RAD18: variants seen among roughly 807,000 people sequenced by gnomAD.
RAD18 encodes RAD18 E3 ubiquitin protein ligase, also known as E3 ubiquitin-protein ligase RAD18.
Under a neutral mutation model 60.4 loss-of-function variants are expected in RAD18, and 47 were observed. The observed-to-expected ratio is 0.78, with a 90% confidence interval of 0.62 to 0.99. The LOEUF (loss-of-function observed/expected upper bound fraction) is 0.99. Among genes scored for constraint, RAD18 ranks in the 50% least tolerant of loss-of-function variants. The probability of loss-of-function intolerance (pLI) is 0.00; values close to 1 mark genes in which losing one functional copy is unlikely to be tolerated. For missense variants in RAD18, 640 were observed against 593.3 expected, an observed-to-expected ratio of 1.08 and a Z score of -0.82; for synonymous variants, 225 against 195.5, an observed-to-expected ratio of 1.15 and a Z score of -1.26.
intron 2 of RAD18, among the ~76,000 whole-genome samples, chr3:8,954,439 T>C (rs917041288): frequency 2.6e-5 from 4 of 152,194 alleles, no homozygotes; most frequent in Non-Finnish European, 4.4e-5. Flanking sequence ...GTGAGAAAAA[T>C]TATAGCAAGT....
chr3:8,957,630 G>C, intron 2 of RAD18, among the ~76,000 whole-genome samples: 1 of 152,092 alleles, frequency 6.6e-6, no homozygotes, highest in East Asian at 1.9e-4. Flanking sequence ...GATTTATCTT[G>C]GAAAGCTAAA....
At chr3:8,942,505 G>A (rs1277328256) in intron 4 of RAD18, among the ~76,000 whole-genome samples, 1 of 152,114 alleles carries the variant, frequency 6.6e-6, no homozygotes, top group African/African-American at 2.4e-5. Flanking sequence ...GGCCTAACTT[G>A]CATAAAAAAC....
Position 8,935,921 on chromosome 3 carries a change from T to C in RAD18, c.839A>G (p.Glu280Gly). 1 of 1,611,836 alleles carries C rather than the reference T, an allele frequency of 6.2e-7. No homozygotes were observed. The highest frequency in any genetic ancestry group is 2.2e-5 in the East Asian group (1 of 44,844). Reference sequence around the variant, plus strand: ...TTGGGCATTGTACATGTGTACAAATTCTTGGTGCCTTTTAATGAGCTGTTG... The same window carrying C: ...TTGGGCATTGTACATGTGTACAAATCCTTGGTGCCTTTTAATGAGCTGTTG... ...NKQQLIKRHQ[E>G]FVHMYNAQCD... is the part of the protein sequence containing the mutation. The change falls in exon 7 of 13, where the codon GAA becomes GGA. Residue 280 changes from glutamate (E) to glycine (G), a missense_variant. Coordinates refer to ENST00000264926, the MANE Select transcript of RAD18 (RefSeq NM_020165.4).
At position 8,949,000 on chromosome 3, in the gene RAD18, A is replaced by G. The variant is rs557447955; in HGVS notation, c.134-430T>C. On this transcript the variant is annotated intron_variant, in intron 2 of 12. Coordinates refer to ENST00000264926, the MANE Select transcript of RAD18 (RefSeq NM_020165.4). ...AGGGACTTCTATATCTTAATTCTGT[A>G]AATAATGTCCTCTGTCCCACATTTA... Among the ~76,000 whole-genome samples, 7 of 152,344 alleles carry G rather than the reference A, an allele frequency of 4.6e-5. No homozygotes were observed. In the South Asian group the frequency reaches 1.0e-3, roughly 23 times the overall value.
At chr3:8,926,653 A>G (rs574925945) in intron 7 of RAD18, among the ~76,000 whole-genome samples, 32 of 152,364 alleles carry the variant, frequency 2.1e-4, no homozygotes, top group African/African-American at 7.0e-4. Flanking sequence ...ACTTGACTTC[A>G]AACTATACTA....
At chr3:8,904,647 C>T (rs894611775) in intron 9 of RAD18, among the ~76,000 whole-genome samples, 5 of 152,180 alleles carry the variant, frequency 3.3e-5, no homozygotes, top group African/African-American at 4.8e-5. Context: ...TTTCACTCTA[C>T]GCACTTGAGG....
chr3:8,955,927 A>C (rs931323017), intron 2 of RAD18, among the ~76,000 whole-genome samples: 20 of 152,344 alleles, frequency 1.3e-4, no homozygotes, highest in African/African-American at 2.9e-4. Context: ...GTAGTACTGA[A>C]TCCTATTTAT....
chr3:8,911,749 A>G (rs1043290176), intron 9 of RAD18, among the ~76,000 whole-genome samples: 6 of 152,168 alleles, frequency 3.9e-5, no homozygotes, highest in African/African-American at 1.4e-4. Context: ...TTAACTATCT[A>G]CTGTTCGTCA....
intron 7 of RAD18, among the ~76,000 whole-genome samples, chr3:8,925,983 T>TC (rs1940426346): frequency 6.6e-6 from 1 of 151,892 alleles, no homozygotes. Flanking sequence ...CTGGAAGCAT[T>TC]CCCTTTGAAA....
At chr3:8,936,556 C>A (rs1012055311) in intron 6 of RAD18, among the ~76,000 whole-genome samples, 2 of 152,204 alleles carry the variant, frequency 1.3e-5, no homozygotes, top group Non-Finnish European at 2.9e-5. Context: ...GGTTCTCTAC[C>A]TGGCTCAGCT....
intron 7 of RAD18, among the ~76,000 whole-genome samples, chr3:8,921,830 T>G (rs1025939443): frequency 6.6e-6 from 1 of 152,220 alleles, no homozygotes; most frequent in African/African-American, 2.4e-5. Context: ...TTCTTTTCCA[T>G]TTTTTATTTA....
chr3:8,927,804 G>A (rs546867157), intron 7 of RAD18, among the ~76,000 whole-genome samples: 192 of 151,922 alleles, frequency 1.3e-3, no homozygotes, highest in African/African-American at 4.0e-3. Context: ...GCAAACTGTC[G>A]CAAGGACAGA....
At chr3:8,913,773 C>T (rs1280444179) in intron 7 of RAD18, 53 bp from the exon 8 acceptor site, 7 of 1,160,998 alleles carry the variant, frequency 6.0e-6, no homozygotes, top group Non-Finnish European at 7.3e-6. Context: ...TTTTTAATCA[C>T]TGTACAATAA....
intron 9 of RAD18, among the ~76,000 whole-genome samples, chr3:8,906,517 C>T (rs899109560): frequency 1.7e-4 from 26 of 152,158 alleles, no homozygotes; most frequent in Admixed American, 1.3e-4. Flanking sequence ...TCAAGGTTTG[C>T]TGCTTCCAAG....
chr3:8,952,138 T>G (rs962103546), intron 2 of RAD18, among the ~76,000 whole-genome samples: 3 of 152,050 alleles, frequency 2.0e-5, no homozygotes, highest in African/African-American at 7.2e-5. Context: ...ACCTTTAACC[T>G]CCCAAATTCA....
chr3:8,916,492 C>A (rs1299139723), intron 7 of RAD18, among the ~76,000 whole-genome samples: 3 of 152,098 alleles, frequency 2.0e-5, no homozygotes, highest in Non-Finnish European at 4.4e-5. Context: ...AAAAGTCTGG[C>A]ACCTCAGACT....
chr3:8,956,275 T>C (rs954328468), intron 2 of RAD18, among the ~76,000 whole-genome samples: 3 of 152,232 alleles, frequency 2.0e-5, no homozygotes, highest in African/African-American at 4.8e-5. Context: ...AAATAAGCGC[T>C]ACTTGACACA....
intron 11 of RAD18, among the ~76,000 whole-genome samples, chr3:8,898,243 T>C (rs1253771283): frequency 6.6e-6 from 1 of 152,062 alleles, no homozygotes; most frequent in Non-Finnish European, 1.5e-5. Context: ...AAAATAACAA[T>C]TATAAACATA....
chr3:8,906,726 T>C (rs1575539819), intron 9 of RAD18, among the ~76,000 whole-genome samples: 1 of 151,708 alleles, frequency 6.6e-6, no homozygotes, highest in African/African-American at 2.4e-5. Context: ...GGAGAGTAAA[T>C]ATAGTCTCTG....
Sources: gnomAD v4.1 joint callset for allele counts (sites outside exome capture counted in the v4.1 genomes callset) on GRCh38, gnomAD v4.1.1 for gene constraint, MANE v1.5 for transcripts, NCBI Gene and HGNC (gene_info 2026-07-23, HGNC 2026-07-21) for gene names.